Variants in CSMD3 observed in about 807,000 individuals in gnomAD.
The protein encoded by CSMD3 is CUB and Sushi multiple domains 3.
CSMD3 carries 177 observed loss-of-function variants against 435.2 expected under a neutral mutation model. That is an observed-to-expected ratio of 0.41 (90% CI 0.36 to 0.46). CSMD3 has a LOEUF of 0.46. CSMD3 is among the 20% of genes least tolerant of loss of function. CSMD3 has a pLI of 0.34. For missense variants in CSMD3, 4,265 were observed against 4,504.6 expected, an observed-to-expected ratio of 0.95 and a Z score of 1.52; for synonymous variants, 1,656 against 1,520.5, an observed-to-expected ratio of 1.09 and a Z score of -2.07.
chr8:113,128,859 G>C (rs1480441), intron 4 of CSMD3, among the ~76,000 whole-genome samples: 51,853 of 151,862 alleles, frequency 0.34, 9,737 homozygotes, highest in East Asian at 0.69. Flanking sequence ...TACAGTTTTT[G>C]AGGCATCGAG....
At chr8:113,182,932 A>C (rs118034182) in intron 3 of CSMD3, among the ~76,000 whole-genome samples, 1,650 of 152,114 alleles carry the variant, frequency 0.011, 16 homozygotes, top group Non-Finnish European at 0.017. Context: ...ATAGTTCCTC[A>C]TGGAACAGAG....
At chr8:112,953,879 T>G (rs1266379954) in intron 8 of CSMD3, among the ~76,000 whole-genome samples, 9 of 151,476 alleles carry the variant, frequency 5.9e-5, no homozygotes, top group Admixed American at 5.9e-4. Flanking sequence ...ATGTATGAAA[T>G]TTGAAATAAC....
At position 113,419,147 on chromosome 8, in the gene CSMD3, G is replaced by T. The variant is rs187926318; in HGVS notation, c.178+17530C>A. The stretch of plus-strand genomic sequence containing the variant: ...TTTGTTTTTTTTTTTTTTTGACAGG[G>T]TCTCACTGTCGCCAAGGCTGGAGTG... On this transcript the variant is annotated intron_variant, in intron 1 of 70. Coordinates refer to ENST00000297405, the MANE Select transcript of CSMD3 (RefSeq NM_198123.2). Among the ~76,000 whole-genome samples, 30 of 147,900 alleles carry T rather than the reference G, an allele frequency of 2.0e-4. No homozygotes were observed. In the East Asian group the frequency reaches 4.4e-3, roughly 22 times the overall value.
chr8:113,174,876 C>A (rs899002121), intron 3 of CSMD3, among the ~76,000 whole-genome samples: 10 of 151,804 alleles, frequency 6.6e-5, no homozygotes, highest in African/African-American at 2.2e-4. Context: ...ATTGTGCAAA[C>A]ATTAATTTCT....
At chr8:112,891,491 A>G (rs1004724153) in intron 10 of CSMD3, among the ~76,000 whole-genome samples, 13 of 151,638 alleles carry the variant, frequency 8.6e-5, no homozygotes, top group South Asian at 6.2e-4. Flanking sequence ...CAGCTCTAGC[A>G]GAGTGGCTGT....
At chr8:113,036,307 T>C (rs2087349152) in intron 5 of CSMD3, among the ~76,000 whole-genome samples, 1 of 152,038 alleles carries the variant, frequency 6.6e-6, no homozygotes, top group African/African-American at 2.4e-5. Context: ...TTTTCCATCA[T>C]TTTTCTTATT....
At chr8:112,376,909 G>A (rs924081216) in intron 38 of CSMD3, among the ~76,000 whole-genome samples, 3 of 152,130 alleles carry the variant, frequency 2.0e-5, no homozygotes, top group Non-Finnish European at 4.4e-5. Context: ...TGCATTTTAA[G>A]TAGAGTGTAA....
chr8:112,502,509 C>T (rs1158948993), intron 30 of CSMD3, among the ~76,000 whole-genome samples: 1 of 152,232 alleles, frequency 6.6e-6, no homozygotes, highest in Admixed American at 6.5e-5. Context: ...CTCCAAGCCT[C>T]TGTTTCTTAC....
At chr8:112,949,977 A>C (rs1484346822) in intron 8 of CSMD3, among the ~76,000 whole-genome samples, 1 of 152,016 alleles carries the variant, frequency 6.6e-6, no homozygotes, top group Non-Finnish European at 1.5e-5. Flanking sequence ...CCAAAAGATA[A>C]TCACTCATTT....
intron 2 of CSMD3, among the ~76,000 whole-genome samples, chr8:113,302,543 A>G (rs1289579098): frequency 1.3e-5 from 2 of 151,680 alleles, no homozygotes; most frequent in Admixed American, 6.6e-5. Context: ...ACGAGCTCAT[A>G]TTAATTATGT....
chr8:113,409,642 A>T (rs1028725617), intron 1 of CSMD3, among the ~76,000 whole-genome samples: 1 of 152,070 alleles, frequency 6.6e-6, no homozygotes, highest in African/African-American at 2.4e-5. Context: ...CTTAATTCTC[A>T]ATGGGAATTA....
chr8:112,553,196 T>C (rs1827836813), intron 25 of CSMD3, among the ~76,000 whole-genome samples: 1 of 152,100 alleles, frequency 6.6e-6, no homozygotes, highest in African/African-American at 2.4e-5. Flanking sequence ...TTAAACCCTT[T>C]CCCTTGTACT....
At chr8:113,292,388 T>C (rs1431297185) in intron 2 of CSMD3, among the ~76,000 whole-genome samples, 1 of 151,862 alleles carries the variant, frequency 6.6e-6, no homozygotes, top group African/African-American at 2.4e-5. Flanking sequence ...GAAAATTCAA[T>C]AATATATTTT....
intron 27 of CSMD3, among the ~76,000 whole-genome samples, chr8:112,545,501 A>AAAAAAAAAT (rs1554609897): frequency 4.1e-5 from 5 of 122,682 alleles, no homozygotes; most frequent in Admixed American, 1.8e-4. Flanking sequence ...AAAAAAAAAA[A>AAAAAAAAAT]AATAATAATA....
At chr8:112,723,976 G>GA (rs1008382258) in intron 13 of CSMD3, among the ~76,000 whole-genome samples, 49 of 146,498 alleles carry the variant, frequency 3.3e-4, no homozygotes, top group East Asian at 1.4e-3. Context: ...CCCCACCTTG[G>GA]AAAAAAAAAA....
intron 22 of CSMD3, among the ~76,000 whole-genome samples, chr8:112,593,975 C>A (rs1416364999): frequency 1.3e-5 from 2 of 152,026 alleles, no homozygotes; most frequent in Non-Finnish European, 2.9e-5. Flanking sequence ...CATTTCAGTA[C>A]ATTTATATTT....
intron 1 of CSMD3, among the ~76,000 whole-genome samples, chr8:113,403,870 G>T (rs2094521057): frequency 6.6e-6 from 1 of 151,308 alleles, no homozygotes; most frequent in African/African-American, 2.4e-5. Context: ...AGTAGTTGAT[G>T]TTTCATGTAT....
At chr8:112,599,255 A>G (rs1181336244) in intron 22 of CSMD3, among the ~76,000 whole-genome samples, 3 of 151,574 alleles carry the variant, frequency 2.0e-5, no homozygotes, top group Admixed American at 6.6e-5. Flanking sequence ...GCAGCCAAAA[A>G]ACACATGAAA....
intron 25 of CSMD3, among the ~76,000 whole-genome samples, chr8:112,554,874 C>G (rs1827980154): frequency 2.0e-5 from 3 of 151,928 alleles, no homozygotes; most frequent in African/African-American, 7.2e-5. Context: ...GAAAAGTTTC[C>G]TTATTTGACT....
Sources: allele counts gnomAD v4.1 joint callset (sites outside exome capture counted in the v4.1 genomes callset), GRCh38; gene constraint gnomAD v4.1.1; transcripts MANE v1.5; gene names NCBI Gene and HGNC (gene_info 2026-07-23, HGNC 2026-07-21).